The following APBA1 variants were observed in gnomAD, a reference collection of about 807,000 sequenced individuals.
APBA1 encodes the protein amyloid-beta A4 precursor protein-binding family A member 1.
In APBA1, 55 loss-of-function variants were observed where a neutral mutation model predicts 86.6. That is an observed-to-expected ratio of 0.64 (90% CI 0.51 to 0.80). The LOEUF (loss-of-function observed/expected upper bound fraction) is 0.80. Among genes scored for constraint, APBA1 ranks in the 30% least tolerant of loss-of-function variants. APBA1 has a pLI of 0.00. For missense variants in APBA1, 1,090 were observed against 1,183.0 expected (o/e 0.92, Z 1.15); for synonymous variants, 511 against 493.9 (o/e 1.03, Z -0.46).
rs1310924581 is a variant in APBA1, at chr9:69,604,266, G to A, written c.-70+67887C>T. ...TATGAGGGTAAGTGGAGAGGCACAC[G>A]GGTGTGGGCACGCATGCACACACAT... On this transcript the variant is annotated intron_variant, in intron 1 of 12. Transcript: ENST00000265381. Among the ~76,000 whole-genome samples the A allele has an allele frequency of 2.8e-5, 4 of 144,462 alleles. No individual in the cohort carries two copies. The Admixed American group carries it at 2.8e-4, about 10-fold the overall frequency. The allele number at this position is 144,462 out of a possible 152,430, so 94.8% of individuals were successfully genotyped here. A position where few individuals can be genotyped will look rare whatever the true frequency, so the allele number is the denominator to read the frequency against.
chr9:69,510,385 A>G lies in APBA1; in HGVS notation c.1200+5626T>C, dbSNP rs1445559068. Among the ~76,000 whole-genome samples, 321 of 147,426 alleles carry G rather than the reference A, an allele frequency of 2.2e-3. 1 individual carries two copies. The highest frequency in any genetic ancestry group is 7.8e-3 in the African/African-American group (307 of 39,572). Reference sequence around the variant, plus strand: ...ACAAGGGATGTGAAGGACCTCTTCAAGGAGAACTACAAACCACTGCTCAAG... The same window carrying G: ...ACAAGGGATGTGAAGGACCTCTTCAGGGAGAACTACAAACCACTGCTCAAG... On this transcript the variant is annotated intron_variant, in intron 2 of 12. Coordinates refer to ENST00000265381, the MANE Select transcript of APBA1 (RefSeq NM_001163.4).
chr9:69,558,433 G>A (rs898389263), intron 1 of APBA1, among the ~76,000 whole-genome samples: 1 of 151,408 alleles, frequency 6.6e-6, no homozygotes, highest in Admixed American at 6.6e-5. Context: ...TTACTGTTAG[G>A]TTCAATAACT....
chr9:69,530,319 TATATATATATACACACAC>T (rs1201401020), intron 1 of APBA1, among the ~76,000 whole-genome samples: 1 of 140,638 alleles, frequency 7.1e-6, no homozygotes, highest in African/African-American at 2.7e-5. Context: ...TATATATATA[TATATATATATACACACAC>T]ACACACACAC....
chr9:69,658,282 T>TTCTTTCTTTC (rs1554709948), intron 1 of APBA1, among the ~76,000 whole-genome samples: 2,629 of 39,514 alleles, frequency 0.067, 159 homozygotes, highest in South Asian at 0.082. Context: ...CTTTCTTTCT[T>TTCTTTCTTTC]TCTCTCTCTC....
At chr9:69,556,019 G>GA (rs1331436165) in intron 1 of APBA1, among the ~76,000 whole-genome samples, 1 of 151,124 alleles carries the variant, frequency 6.6e-6, no homozygotes, top group Non-Finnish European at 1.5e-5. Context: ...CAACAACAAA[G>GA]AAAAAAAACA....
At chr9:69,600,829 T>TA (rs1554705354) in intron 1 of APBA1, among the ~76,000 whole-genome samples, 2 of 147,346 alleles carry the variant, frequency 1.4e-5, no homozygotes, top group Admixed American at 1.4e-4. Context: ...AATAAATAAA[T>TA]AAATAAAATA....
intron 2 of APBA1, among the ~76,000 whole-genome samples, chr9:69,506,234 G>A (rs564093721): frequency 6.6e-6 from 1 of 151,842 alleles, no homozygotes; most frequent in East Asian, 1.9e-4. Context: ...GCCAAAGCAG[G>A]GCGAGGCATT....
At chr9:69,451,329 TTCTGGGGAA>T (rs1175743579) in intron 9 of APBA1, among the ~76,000 whole-genome samples, 2 of 152,360 alleles carry the variant, frequency 1.3e-5, no homozygotes, top group East Asian at 3.9e-4. Flanking sequence ...CAGGCTCTGC[TTCTGGGGAA>T]TCTGACCTAA....
intron 1 of APBA1, among the ~76,000 whole-genome samples, chr9:69,626,948 A>G (rs1320298462): frequency 6.6e-6 from 1 of 152,074 alleles, no homozygotes; most frequent in Non-Finnish European, 1.5e-5. Flanking sequence ...TATTTTAAAT[A>G]ATACCTTTAC....
At chr9:69,490,879 G>T (rs1034632921) in intron 2 of APBA1, among the ~76,000 whole-genome samples, 2 of 152,122 alleles carry the variant, frequency 1.3e-5, no homozygotes, top group African/African-American at 4.8e-5. Flanking sequence ...GGCCATCAGA[G>T]AAATGCAACT....
Position 69,516,257 on chromosome 9 carries a change from C to T in APBA1, c.954G>A (p.Ala318=). The change falls in exon 2 of 13, where the codon GCG becomes GCA. Residue 318 remains alanine (A), a synonymous_variant. Coordinates refer to ENST00000265381, the MANE Select transcript of APBA1 (RefSeq NM_001163.4). The surrounding 1 kb of genome is among the most constrained non-coding windows in gnomAD (Gnocchi z 7.3). ...GGRPDSPGLQ[A]PAGQQRAVGP... Reference sequence around the variant, plus strand: ...CCACCGCCCGCTGCTGCCCCGCCGGCGCCTGCAGCCCGGGGCTGTCGGGGC... The same window carrying T: ...CCACCGCCCGCTGCTGCCCCGCCGGTGCCTGCAGCCCGGGGCTGTCGGGGC... 3 of 1,379,516 alleles carry T rather than the reference C, an allele frequency of 2.2e-6. No individual in the cohort carries two copies. The highest frequency in any genetic ancestry group is 2.8e-6 in the Non-Finnish European group (3 of 1,071,846). The allele number at this position is 1,379,516 out of a possible 1,614,324, so 85.5% of individuals were successfully genotyped here.
rs1157007488 is a variant in APBA1, at chr9:69,516,999, C to T, written c.212G>A (p.Arg71His). Residue 71 changes from arginine to histidine, a missense_variant, in exon 2 of 13, where the codon CGC becomes CAC. By Grantham distance (29) the Arg-to-His change is conservative (BLOSUM62 0). Transcript: ENST00000265381. This position sits in a 1 kb window ranked among gnomAD's most constrained non-coding sequence, Gnocchi z 7.3. ...RAQLGQEEEE[R>H]GECLARSAST... ...GGCTGAGCGCGCCAGGCATTCCCCGCGCTCCTCTTCCTCCTGGCCGAGCTG... is the reference window on the plus strand; with the variant it reads ...GGCTGAGCGCGCCAGGCATTCCCCGTGCTCCTCTTCCTCCTGGCCGAGCTG... 6.3e-7 allele frequency: 1 copy of T among 1,580,474 alleles called. No individual in the cohort carries two copies. The highest frequency in any genetic ancestry group is 8.5e-7 in the Non-Finnish European group (1 of 1,170,172).
At chr9:69,569,737 TA>T (rs1237678642) in intron 1 of APBA1, among the ~76,000 whole-genome samples, 3 of 152,216 alleles carry the variant, frequency 2.0e-5, no homozygotes, top group African/African-American at 7.2e-5. Context: ...AACTCTGTTA[TA>T]GGGGTGAATG....
At chr9:69,600,134 G>A (rs1822317557) in intron 1 of APBA1, among the ~76,000 whole-genome samples, 1 of 152,096 alleles carries the variant, frequency 6.6e-6, no homozygotes, top group Non-Finnish European at 1.5e-5. Flanking sequence ...TCAAAACTGT[G>A]CCTCCCATAA....
At chr9:69,499,374 T>C (rs570279910) in intron 2 of APBA1, among the ~76,000 whole-genome samples, 2 of 152,272 alleles carry the variant, frequency 1.3e-5, no homozygotes, top group South Asian at 2.1e-4. Flanking sequence ...TTCTGTCTAC[T>C]TGATTTCAGA....
At chr9:69,595,254 A>G (rs572961421) in intron 1 of APBA1, among the ~76,000 whole-genome samples, 1 of 152,174 alleles carries the variant, frequency 6.6e-6, no homozygotes, top group Non-Finnish European at 1.5e-5. Context: ...TCAAAGAAAT[A>G]CCTGATATTT....
chr9:69,606,479 CTTTT>C (rs35083481), intron 1 of APBA1, among the ~76,000 whole-genome samples: 19 of 50,890 alleles, frequency 3.7e-4, no homozygotes, highest in East Asian at 3.1e-3. Context: ...AGGGAGCTAG[CTTTT>C]TTTTTTTTTT....
chr9:69,643,727 T>C (rs1268668831), intron 1 of APBA1, among the ~76,000 whole-genome samples: 1 of 152,152 alleles, frequency 6.6e-6, no homozygotes, highest in Non-Finnish European at 1.5e-5. Flanking sequence ...GCTTCAGAGC[T>C]GATATCCCAA....
At chr9:69,620,386 G>C (rs1327101525) in intron 1 of APBA1, among the ~76,000 whole-genome samples, 2 of 152,174 alleles carry the variant, frequency 1.3e-5, no homozygotes, top group African/African-American at 4.8e-5. Context: ...GATGGTCAGA[G>C]AGACAGAGTG....
Sources: gnomAD v4.1 joint callset for allele counts (sites outside exome capture counted in the v4.1 genomes callset) on GRCh38, gnomAD v4.1.1 for gene constraint, Gnocchi (gnomAD v3.1) non-coding constraint, MANE v1.5 for transcripts, NCBI Gene and HGNC (gene_info 2026-07-23, HGNC 2026-07-21) for gene names.